The following LHFPL3 variants were observed in gnomAD, a reference collection of about 807,000 sequenced individuals.
The protein encoded by LHFPL3 is LHFPL tetraspan subfamily member 3 protein.
Under a neutral mutation model 19.3 loss-of-function variants are expected in LHFPL3, and 5 were observed. That is an observed-to-expected ratio of 0.26 (90% CI 0.14 to 0.54). The LOEUF (loss-of-function observed/expected upper bound fraction) is 0.54. Ranked by LOEUF, LHFPL3 falls within the 20% of genes least tolerant of loss-of-function variation. LHFPL3 has a pLI of 0.94. For synonymous variants in LHFPL3, 133 were observed against 126.2 expected, an observed-to-expected ratio of 1.05 and a Z score of -0.36; for missense variants, 249 against 307.4, an observed-to-expected ratio of 0.81 and a Z score of 1.42.
chr7:104,873,658 G>A (rs1791878693), intron 2 of LHFPL3, among the ~76,000 whole-genome samples: 1 of 152,022 alleles, frequency 6.6e-6, no homozygotes, highest in South Asian at 2.1e-4. Context: ...ACTGAAACTG[G>A]TATGTTAATG....
chr7:104,778,040 G>C (rs1224455706), intron 2 of LHFPL3, among the ~76,000 whole-genome samples: 1 of 152,154 alleles, frequency 6.6e-6, no homozygotes, highest in African/African-American at 2.4e-5. Flanking sequence ...GACAATCTGG[G>C]CTCAGCATCC....
intron 2 of LHFPL3, among the ~76,000 whole-genome samples, chr7:104,886,379 T>A (rs1792147617): frequency 6.7e-6 from 1 of 150,296 alleles, no homozygotes; most frequent in African/African-American, 2.5e-5. Context: ...TTTTGTTTTG[T>A]TTTTTTGAGA....
chr7:104,520,623 G>C (rs1481418651), intron 1 of LHFPL3, among the ~76,000 whole-genome samples: 1 of 142,848 alleles, frequency 7.0e-6, no homozygotes, highest in Non-Finnish European at 1.5e-5. Flanking sequence ...CACAATTTCA[G>C]ATCCTGTTAT....
intron 1 of LHFPL3, among the ~76,000 whole-genome samples, chr7:104,713,562 AG>A (rs1793331760): frequency 1.3e-5 from 2 of 152,196 alleles, no homozygotes; most frequent in Admixed American, 6.5e-5. Flanking sequence ...GGGAGAAATC[AG>A]CCACCATAAT....
intron 2 of LHFPL3, among the ~76,000 whole-genome samples, chr7:104,866,306 T>A (rs1349186135): frequency 6.6e-6 from 1 of 152,116 alleles, no homozygotes; most frequent in African/African-American, 2.4e-5. Context: ...TCAAGACCCA[T>A]CAGTGTGCTG....
intron 2 of LHFPL3, among the ~76,000 whole-genome samples, chr7:104,781,683 A>T (rs1276101463): frequency 9.2e-5 from 14 of 152,132 alleles, no homozygotes; most frequent in Admixed American, 9.2e-4. Context: ...CCATCTTCTG[A>T]ACTTATCAGA....
At chr7:104,343,693 T>C (rs1286005550) in intron 1 of LHFPL3, among the ~76,000 whole-genome samples, 1 of 151,408 alleles carries the variant, frequency 6.6e-6, no homozygotes, top group African/African-American at 2.4e-5. Context: ...CCTCATGTTA[T>C]GAATAATATA....
At chr7:104,486,204 A>G (rs1793233958) in intron 1 of LHFPL3, among the ~76,000 whole-genome samples, 2 of 152,328 alleles carry the variant, frequency 1.3e-5, no homozygotes, top group South Asian at 4.1e-4. Flanking sequence ...AAGTTTTTAA[A>G]TATATTTACA....
intron 1 of LHFPL3, among the ~76,000 whole-genome samples, chr7:104,458,064 T>C (rs1792582501): frequency 1.3e-5 from 2 of 151,404 alleles, no homozygotes; most frequent in African/African-American, 4.9e-5. Context: ...ATTTTGTAGG[T>C]TGCCTGTTCA....
chr7:104,788,871 G>T (rs1789970729), intron 2 of LHFPL3, among the ~76,000 whole-genome samples: 2 of 152,048 alleles, frequency 1.3e-5, no homozygotes, highest in South Asian at 4.1e-4. Flanking sequence ...CAAGAGTTGT[G>T]GTCTAAAGTC....
intron 1 of LHFPL3, among the ~76,000 whole-genome samples, chr7:104,572,893 C>T (rs975747520): frequency 6.6e-6 from 1 of 152,200 alleles, no homozygotes; most frequent in African/African-American, 2.4e-5. Flanking sequence ...AAACACCTCT[C>T]TAACATTAAC....
chr7:104,620,640 C>A (rs1791427192), intron 1 of LHFPL3, among the ~76,000 whole-genome samples: 1 of 150,962 alleles, frequency 6.6e-6, no homozygotes, highest in Non-Finnish European at 1.5e-5. Flanking sequence ...AATAGAAACA[C>A]TTTTTATCTT....
At position 104,328,738 on chromosome 7, in the gene LHFPL3, C is replaced by A. The variant is rs878899272; in HGVS notation, c.-42C>A. ...CTGCGCGCTGAGAGGCGGGGGGAGGCGGAGGACCAGGAGGAGGAGGAGGAG... is the reference window on the plus strand; with the variant it reads ...CTGCGCGCTGAGAGGCGGGGGGAGGAGGAGGACCAGGAGGAGGAGGAGGAG... On this transcript the variant is annotated 5_prime_UTR_variant, in exon 1 of 3. Coordinates refer to ENST00000424859, the MANE Select transcript of LHFPL3 (RefSeq NM_199000.3). The surrounding 1 kb of genome is among the most constrained non-coding windows in gnomAD (Gnocchi z 4.6). 2.7e-6 allele frequency: 4 copies of A among 1,497,700 alleles called. No individual in the cohort carries two copies. In the South Asian group the frequency reaches 3.6e-5, roughly 14 times the overall value. 92.8% of individuals were successfully genotyped at this position (1,497,700 alleles called of 1,614,324 possible).
intron 1 of LHFPL3, among the ~76,000 whole-genome samples, chr7:104,511,927 T>C (rs1002578593): frequency 1.3e-4 from 20 of 151,162 alleles, no homozygotes; most frequent in African/African-American, 4.9e-4. Flanking sequence ...CTAATAGTGA[T>C]ATTTTTCTTT....
At chr7:104,413,592 A>G (rs989555806) in intron 1 of LHFPL3, among the ~76,000 whole-genome samples, 1 of 152,234 alleles carries the variant, frequency 6.6e-6, no homozygotes, top group East Asian at 1.9e-4. Flanking sequence ...TGGGAATGGA[A>G]CCAGGTCGTC....
chr7:104,827,114 T>C (rs185373277), intron 2 of LHFPL3, among the ~76,000 whole-genome samples: 2 of 152,104 alleles, frequency 1.3e-5, no homozygotes, highest in Admixed American at 1.3e-4. Flanking sequence ...ATGTTTGTGT[T>C]GCTCCAAAAC....
intron 1 of LHFPL3, among the ~76,000 whole-genome samples, chr7:104,550,145 T>G (rs186482869): frequency 6.6e-6 from 1 of 152,038 alleles, no homozygotes; most frequent in East Asian, 1.9e-4. Context: ...GGTCAGTCTT[T>G]GTTCTACTAA....
chr7:104,856,426 T>A (rs1791508466), intron 2 of LHFPL3, among the ~76,000 whole-genome samples: 2 of 151,890 alleles, frequency 1.3e-5, no homozygotes, highest in Admixed American at 1.3e-4. Context: ...ATTTTTGTAT[T>A]TTTAGTAGAA....
chr7:104,434,621 T>C (rs1015605559), intron 1 of LHFPL3, among the ~76,000 whole-genome samples: 22 of 152,316 alleles, frequency 1.4e-4, no homozygotes, highest in Non-Finnish European at 2.9e-4. Flanking sequence ...ACTGTGATAA[T>C]TTTTTATTGA....
Sources: allele counts gnomAD v4.1 joint callset (sites outside exome capture counted in the v4.1 genomes callset), GRCh38; gene constraint gnomAD v4.1.1; non-coding constraint Gnocchi (gnomAD v3.1); transcripts MANE v1.5; gene names NCBI Gene and HGNC (gene_info 2026-07-23, HGNC 2026-07-21).